AMELY: variants seen among roughly 807,000 people sequenced by gnomAD.
AMELY encodes amelogenin, Y isoform.
AMELY carries 4 observed loss-of-function variants against 4.2 expected under a neutral mutation model. That is an observed-to-expected ratio of 0.96 (90% CI 0.47 to 2.19). The LOEUF is 2.19. Among genes scored for constraint, AMELY ranks in the 30% most tolerant of loss-of-function variants. The pLI, the probability that AMELY is intolerant of heterozygous loss-of-function variation, is 0.02. For missense variants in AMELY, 32 were observed against 41.5 expected (o/e 0.77, Z 0.63); for synonymous variants, 11 against 14.7 (o/e 0.75, Z 0.57).
chrY:6,868,904 T>C, intron 4 of AMELY, 128 bp from the exon 5 acceptor site: 1 of 241,963 alleles, frequency 4.1e-6, no homozygotes, highest in Non-Finnish European at 7.1e-6. Flanking sequence ...CCTGAGAATG[T>C]GAGTTCTACA....
In AMELY at chrY:6,911,682, C is replaced by G; in HGVS notation, c.-122G>C. On this transcript the variant is annotated 5_prime_UTR_variant, in exon 1 of 7. Coordinates refer to ENST00000651267, the MANE Select transcript of AMELY (RefSeq NM_001143.2). The stretch of plus-strand genomic sequence containing the variant: ...AGGGTAAAGCGCAGACCTGTTGATC[C>G]TAGGTTCTGGCGGGTCGGGGTCTGG... 2.9e-5 allele frequency among the ~76,000 whole-genome samples: 1 copy of G among 34,820 alleles called. No homozygotes were observed. The highest frequency in any genetic ancestry group is 7.2e-5 in the Non-Finnish European group (1 of 13,804). 93.4% of individuals were successfully genotyped at this position (34,820 alleles called of 37,273 possible). A position where few individuals can be genotyped will look rare whatever the true frequency, so the allele number is the denominator to read the frequency against.
intron 1 of AMELY, among the ~76,000 whole-genome samples, chrY:6,895,612 T>C (rs747452098): frequency 3.0e-5 from 1 of 33,892 alleles, no homozygotes; most frequent in East Asian, 8.0e-4. Flanking sequence ...TCCATTGGTC[T>C]ATATCTCTGT....
intron 1 of AMELY, among the ~76,000 whole-genome samples, chrY:6,881,949 G>C: frequency 3.0e-5 from 1 of 32,903 alleles, no homozygotes; most frequent in Non-Finnish European, 7.5e-5. Flanking sequence ...ACAAACAAAT[G>C]GGAAAACATT....
At chrY:6,867,334 C>T (rs1603021148) in intron 6 of AMELY, among the ~76,000 whole-genome samples, 1 of 33,446 alleles carries the variant, frequency 3.0e-5, no homozygotes, top group Non-Finnish European at 7.4e-5. Flanking sequence ...ATCTTATATA[C>T]GTAGAAATAA....
chrY:6,904,920 T>A, intron 1 of AMELY, among the ~76,000 whole-genome samples: 1 of 33,711 alleles, frequency 3.0e-5, no homozygotes, highest in African/African-American at 1.2e-4. Context: ...CCACAGAAGA[T>A]GGCAGGGTCT....
chrY:6,884,341 G>A (rs965092375), intron 1 of AMELY, among the ~76,000 whole-genome samples: 3 of 31,619 alleles, frequency 9.5e-5, no homozygotes, highest in Admixed American at 8.9e-4. Context: ...GTGGCAGGTC[G>A]AGGGGTGCAG....
chrY:6,866,559 T>C, intron 6 of AMELY, among the ~76,000 whole-genome samples: 1 of 31,839 alleles, frequency 3.1e-5, no homozygotes, highest in Non-Finnish European at 7.6e-5. Context: ...GCATTTTCTA[T>C]GCACAGAGAG....
chrY:6,897,318 T>C (rs766392018), intron 1 of AMELY, among the ~76,000 whole-genome samples: 76 of 33,702 alleles, frequency 2.3e-3, no homozygotes, highest in Middle Eastern at 0.028. Flanking sequence ...GGGACTAAAG[T>C]GTGTGCCTCA....
At chrY:6,885,122 C>T (rs1048027644) in intron 1 of AMELY, among the ~76,000 whole-genome samples, 1 of 33,839 alleles carries the variant, frequency 3.0e-5, no homozygotes, top group East Asian at 7.8e-4. Flanking sequence ...AGAATGCTTA[C>T]GGACTGCTGT....
At position 6,868,105 on chromosome Y, in the gene AMELY, G is replaced by T. The variant is rs781641924; in HGVS notation, c.505C>A (p.Pro169Thr). The T allele has an allele frequency of 2.5e-6, 1 of 394,742 alleles. No individual in the cohort carries two copies. Among genetic ancestry groups the T allele is most frequent in the Non-Finnish European group, 3.5e-6 (1 of 281,729 alleles). The stretch of plus-strand genomic sequence containing the variant: ...AGATGCAGATCAGGAAGTATGGGGG[G>T]CAGGGGCCGCAGGGGGAACATTGGA... ...LPPMFPLRPL[P>T]PILPDLHLEA... Residue 169 changes from proline to threonine, a missense_variant, in exon 6 of 7, where the codon CCC becomes ACC. Pro to Thr is a conservative substitution (Grantham distance 38). Coordinates refer to ENST00000651267, the MANE Select transcript of AMELY (RefSeq NM_001143.2).
At chrY:6,894,669 C>T in intron 1 of AMELY, among the ~76,000 whole-genome samples, 1 of 33,434 alleles carries the variant, frequency 3.0e-5, no homozygotes, top group Non-Finnish European at 7.4e-5. Flanking sequence ...CACTAAGCCG[C>T]CCTGCTCCTA....
intron 1 of AMELY, among the ~76,000 whole-genome samples, chrY:6,903,069 G>T (rs922744694): frequency 3.0e-5 from 1 of 32,923 alleles, no homozygotes; most frequent in African/African-American, 1.2e-4. Flanking sequence ...TGCCATGTTA[G>T]CCAGGCTGAT....
chrY:6,882,493 C>G (rs2054075584), intron 1 of AMELY, among the ~76,000 whole-genome samples: 3 of 33,344 alleles, frequency 9.0e-5, no homozygotes, highest in Non-Finnish European at 1.5e-4. Flanking sequence ...CATAGAAACC[C>G]TAGAAGAAAA....
intron 1 of AMELY, among the ~76,000 whole-genome samples, chrY:6,896,954 G>T: frequency 3.0e-5 from 1 of 33,563 alleles, no homozygotes; most frequent in African/African-American, 1.2e-4. Flanking sequence ...AAGGCAAAAG[G>T]GGCTGGATGG....
intron 6 of AMELY, among the ~76,000 whole-genome samples, chrY:6,866,639 CT>C (rs769931850): frequency 7.0e-4 from 13 of 18,573 alleles, no homozygotes; most frequent in African/African-American, 2.2e-3. Flanking sequence ...AATTTCCTTT[CT>C]TTTTTTTTTT....
chrY:6,910,497 G>A, intron 1 of AMELY, among the ~76,000 whole-genome samples: 1 of 32,653 alleles, frequency 3.1e-5, no homozygotes, highest in Non-Finnish European at 7.6e-5. Flanking sequence ...GGGGCTGGTG[G>A]GAGGCGGGTT....
At chrY:6,867,977 C>A in intron 6 of AMELY, 60 bp downstream of exon 6, 1 of 366,435 alleles carries the variant, frequency 2.7e-6, no homozygotes, top group Non-Finnish European at 3.8e-6. Flanking sequence ...AACTCTGGGG[C>A]CAACTTTGCT....
intron 1 of AMELY, among the ~76,000 whole-genome samples, chrY:6,890,000 C>T (rs2054082267): frequency 3.2e-5 from 1 of 30,990 alleles, no homozygotes; most frequent in African/African-American, 1.3e-4. Flanking sequence ...AAAAAAAGAG[C>T]ATTCCCTCTG....
At chrY:6,870,128 G>C in intron 3 of AMELY, 75 bp from the exon 4 acceptor site, 1 of 292,171 alleles carries the variant, frequency 3.4e-6, no homozygotes. Flanking sequence ...GAGAGAGTAA[G>C]AGATTAAGTC....
Sources: allele counts gnomAD v4.1 joint callset (sites outside exome capture counted in the v4.1 genomes callset), GRCh38; gene constraint gnomAD v4.1.1; transcripts MANE v1.5; gene names NCBI Gene and HGNC (gene_info 2026-07-23, HGNC 2026-07-21).